CACNA1D: variants seen among roughly 807,000 people sequenced by gnomAD.
The protein encoded by CACNA1D is voltage-dependent L-type calcium channel subunit alpha-1D.
Under a neutral mutation model 257.1 loss-of-function variants are expected in CACNA1D, and 55 were observed. That is an observed-to-expected ratio of 0.21 (90% CI 0.17 to 0.27). The LOEUF (loss-of-function observed/expected upper bound fraction) is 0.27. Among genes scored for constraint, CACNA1D ranks in the 10% least tolerant of loss-of-function variants. The pLI is 1.00. For missense variants in CACNA1D, 1,876 were observed against 2,784.0 expected (o/e 0.67, Z 7.34); for synonymous variants, 980 against 1,014.9 (o/e 0.97, Z 0.65).
At position 53,661,179 on chromosome 3, in the gene CACNA1D, C is replaced by G. The variant is rs1228031686; in HGVS notation, c.766+904C>G. Among the ~76,000 whole-genome samples, 5 of 152,282 alleles carry G rather than the reference C, an allele frequency of 3.3e-5. No individual in the cohort carries two copies. In the East Asian group the frequency reaches 9.6e-4, roughly 29 times the overall value. On this transcript the variant is annotated intron_variant, in intron 5 of 47. Coordinates refer to ENST00000350061, the MANE Select transcript of CACNA1D (RefSeq NM_001128840.3). Reference sequence around the variant, plus strand: ...AACACCTTTCTGAGGGCTGGTGCGTCTGAGCAAGAATATGGGATTGCAGGG... The same window carrying G: ...AACACCTTTCTGAGGGCTGGTGCGTGTGAGCAAGAATATGGGATTGCAGGG...
intron 32 of CACNA1D, 115 bp downstream of exon 32, chr3:53,770,667 A>T: frequency 3.3e-6 from 3 of 917,546 alleles, no homozygotes; most frequent in Non-Finnish European, 5.2e-6. Flanking sequence ...TGTGGACCTA[A>T]ATCAATAGAA....
At chr3:53,803,631 A>G (rs2106810553) in intron 44 of CACNA1D, 59 bp downstream of exon 44, 1 of 1,575,730 alleles carries the variant, frequency 6.3e-7, no homozygotes, top group African/African-American at 1.3e-5. Context: ...TGCTCGGCCC[A>G]CTCCGGAAGC....
rs569213241 is a variant in CACNA1D, at chr3:53,762,144, C to T, written c.3870+63C>T. The T allele has an allele frequency of 1.8e-4, 183 of 1,003,688 alleles. 1 individual carries two copies. Among genetic ancestry groups the T allele is most frequent in the Non-Finnish European group, 2.6e-4 (160 of 622,744 alleles). The allele number at this position is 1,003,688 out of a possible 1,614,324, so 62.2% of individuals were successfully genotyped here. ...CTCTCCTCTGTCTGTGCATACTCCG[C>T]TCCCTGCCCTGCAGTGGCATCACCT... On this transcript the variant is annotated intron_variant, in intron 30 of 47. Coordinates refer to ENST00000350061, the MANE Select transcript of CACNA1D (RefSeq NM_001128840.3).
At chr3:53,680,202 G>A (rs1459470720) in intron 8 of CACNA1D, among the ~76,000 whole-genome samples, 1 of 152,206 alleles carries the variant, frequency 6.6e-6, no homozygotes, top group Non-Finnish European at 1.5e-5. Context: ...AACGAGGTAA[G>A]TGAAAGTTTT....
intron 2 of CACNA1D, among the ~76,000 whole-genome samples, chr3:53,500,230 C>T (rs547128474): frequency 1.1e-5 from 1 of 94,340 alleles, no homozygotes; most frequent in Admixed American, 1.6e-4. Context: ...GCCTGGGCAA[C>T]ATGGCAAAAC....
chr3:53,499,655 T>A (rs2090507691), intron 2 of CACNA1D, among the ~76,000 whole-genome samples: 1 of 152,228 alleles, frequency 6.6e-6, no homozygotes, highest in Non-Finnish European at 1.5e-5. Flanking sequence ...ACAACTTATA[T>A]TTAGTCTTCC....
At position 53,623,291 on chromosome 3, in the gene CACNA1D, A is replaced by G. The variant is rs573562435; in HGVS notation, c.484-27488A>G. On this transcript the variant is annotated intron_variant, in intron 3 of 47. Coordinates refer to ENST00000350061, the MANE Select transcript of CACNA1D (RefSeq NM_001128840.3). ...GTGTATATTTTACTTTAAAATACTC[A>G]TAACCAAATATTAAACTCTAGATGG... is the stretch of plus-strand genomic sequence containing the variant. 4.1e-4 allele frequency among the ~76,000 whole-genome samples: 63 copies of G among 152,394 alleles called. 1 individual carries two copies. The highest frequency in any genetic ancestry group is 1.5e-3 in the African/African-American group (61 of 41,600).
chr3:53,741,634 G>A (rs139481531), intron 21 of CACNA1D, among the ~76,000 whole-genome samples: 90 of 152,310 alleles, frequency 5.9e-4, no homozygotes, highest in African/African-American at 2.1e-3. Flanking sequence ...GTGGGATGGT[G>A]ACCAGCTCTT....
At position 53,749,715 on chromosome 3, in the gene CACNA1D, A is replaced by C. The variant is rs1249155717; in HGVS notation, c.3516+246A>C. On this transcript the variant is annotated intron_variant, in intron 27 of 47. Coordinates refer to ENST00000350061, the MANE Select transcript of CACNA1D (RefSeq NM_001128840.3). ...CAGACCTGGTGGTATGAAATCAGAG[A>C]GTGCTTACGCCACCTGCCATGGTCA... is the stretch of plus-strand genomic sequence containing the variant. Among the ~76,000 whole-genome samples, 3 of 152,234 alleles carry C rather than the reference A, an allele frequency of 2.0e-5. No individual in the cohort carries two copies. The East Asian group carries it at 5.8e-4, about 29-fold the overall frequency.
chr3:53,737,919 G>T (rs2095074892), intron 20 of CACNA1D, among the ~76,000 whole-genome samples: 1 of 152,224 alleles, frequency 6.6e-6, no homozygotes, highest in South Asian at 2.1e-4. Flanking sequence ...TGTCTGTGTT[G>T]TAAGGAAACT....
intron 3 of CACNA1D, among the ~76,000 whole-genome samples, chr3:53,643,042 G>T (rs958050427): frequency 6.6e-6 from 1 of 152,198 alleles, no homozygotes; most frequent in African/African-American, 2.4e-5. Context: ...ATGGATGAAA[G>T]AACTGGGAAT....
chr3:53,772,910 C>A lies in CACNA1D; in HGVS notation c.4110+12C>A. The A allele has an allele frequency of 6.2e-7, 1 of 1,611,794 alleles. No individual in the cohort carries two copies. Among genetic ancestry groups the A allele is most frequent in the Non-Finnish European group, 8.5e-7 (1 of 1,177,916 alleles). On this transcript the variant is annotated intron_variant, in intron 33 of 47. Coordinates refer to ENST00000350061, the MANE Select transcript of CACNA1D (RefSeq NM_001128840.3). ...TCATTGGCATGCAGGTAAGCTCCAG[C>A]CATCTCGCCCTCAGGGGCCCTTTCA...
chr3:53,761,430 C>A (rs915793145), intron 29 of CACNA1D, among the ~76,000 whole-genome samples: 1 of 152,162 alleles, frequency 6.6e-6, no homozygotes, highest in African/African-American at 2.4e-5. Context: ...CCGTCTGTGT[C>A]GTCTACACTG....
chr3:53,785,039 C>T (rs1465556414), intron 39 of CACNA1D, among the ~76,000 whole-genome samples: 2 of 152,098 alleles, frequency 1.3e-5, no homozygotes, highest in African/African-American at 4.8e-5. Flanking sequence ...CCATGAGACC[C>T]ACATGGAATT....
rs117630105 is a variant in CACNA1D, at chr3:53,673,826, C to G, written c.1220+700C>G. 1.3e-6 allele frequency: 2 copies of G among 1,571,508 alleles called. No individual in the cohort carries two copies. The highest frequency in any genetic ancestry group is 2.2e-5 in the East Asian group (1 of 44,742). On this transcript the variant is annotated intron_variant, in intron 8 of 47. Coordinates refer to ENST00000350061, the MANE Select transcript of CACNA1D (RefSeq NM_001128840.3). The surrounding 1 kb of genome is among the most constrained non-coding windows in gnomAD (Gnocchi z 4.1). ...TTGGTGTCCTTAGTGGGTAAGCAGT[C>G]GGATCCGTGTTGCACCTTCTCCTGC...
intron 4 of CACNA1D, among the ~76,000 whole-genome samples, chr3:53,659,801 T>C (rs1472884978): frequency 2.0e-5 from 3 of 152,256 alleles, no homozygotes; most frequent in Admixed American, 6.5e-5. Flanking sequence ...TCATGAATGG[T>C]AGCCACCAAG....
At chr3:53,727,890 A>G (rs1472232772) in intron 15 of CACNA1D, among the ~76,000 whole-genome samples, 1 of 152,104 alleles carries the variant, frequency 6.6e-6, no homozygotes, top group African/African-American at 2.4e-5. Flanking sequence ...TGGTAACCTC[A>G]GTGCAAACCT....
chr3:53,580,007 C>G (rs2093104487), intron 3 of CACNA1D, among the ~76,000 whole-genome samples: 2 of 152,332 alleles, frequency 1.3e-5, no homozygotes, highest in East Asian at 3.9e-4. Context: ...TTTTCACATT[C>G]TTATCAAAAA....
intron 3 of CACNA1D, among the ~76,000 whole-genome samples, chr3:53,510,514 A>C (rs1263791826): frequency 2.0e-5 from 3 of 152,222 alleles, no homozygotes; most frequent in Non-Finnish European, 4.4e-5. Context: ...ATCATGCTGC[A>C]TTGAATATCC....
Sources: gnomAD v4.1 joint callset for allele counts (sites outside exome capture counted in the v4.1 genomes callset) on GRCh38, gnomAD v4.1.1 for gene constraint, Gnocchi (gnomAD v3.1) non-coding constraint, MANE v1.5 for transcripts, NCBI Gene and HGNC (gene_info 2026-07-23, HGNC 2026-07-21) for gene names.